Variants in KANSL1L observed in about 807,000 individuals in gnomAD.
The protein encoded by KANSL1L is KAT8 regulatory NSL complex subunit 1-like protein.
Under a neutral mutation model 108.6 loss-of-function variants are expected in KANSL1L, and 25 were observed. That is an observed-to-expected ratio of 0.23 (90% CI 0.17 to 0.32). KANSL1L has a LOEUF of 0.32. Ranked by LOEUF, KANSL1L falls within the 10% of genes least tolerant of loss-of-function variation. The probability of loss-of-function intolerance (pLI) is 1.00; values close to 1 mark genes in which losing one functional copy is unlikely to be tolerated. For synonymous variants in KANSL1L, 405 were observed against 395.1 expected (o/e 1.03, Z -0.30); for missense variants, 1,137 against 1,125.7 (o/e 1.01, Z -0.14).
At chr2:210,089,829 A>C (rs2094675577) in intron 5 of KANSL1L, among the ~76,000 whole-genome samples, 1 of 152,142 alleles carries the variant, frequency 6.6e-6, no homozygotes, top group African/African-American at 2.4e-5. Context: ...GGAGTCCCAA[A>C]GGCAAGTAGA....
chr2:210,153,705 T>G lies in KANSL1L; in HGVS notation c.878A>C (p.Lys293Thr). 1 of 1,604,818 alleles carries G rather than the reference T, an allele frequency of 6.2e-7. No individual in the cohort carries two copies. The highest frequency in any genetic ancestry group is 8.5e-7 in the Non-Finnish European group (1 of 1,176,232). Residue 293 changes from lysine (K) to threonine (T), a missense_variant, in exon 2 of 15, where the codon AAG (lysine) becomes ACG (threonine). This residue lies in a region of KANSL1L where 556 missense variants were observed against 537.7 expected (regional missense o/e 1.03). Transcript: ENST00000281772. ...TGCAGTCAATGTGTTAACTTCTGGC[T>G]TAATTTCAGTGCATTTAGGTAAACT... ...GNSLPKCTEI[K>T]PEVNTLTAEN...
intron 6 of KANSL1L, among the ~76,000 whole-genome samples, chr2:210,058,949 AC>A (rs1260261848): frequency 6.6e-6 from 1 of 150,992 alleles, no homozygotes; most frequent in Non-Finnish European, 1.5e-5. Context: ...TCTCTTTTGT[AC>A]TCTTTCCCTT....
chr2:210,027,226 T>C (rs996822324), intron 12 of KANSL1L, 70 bp downstream of exon 12: 3 of 1,023,826 alleles, frequency 2.9e-6, no homozygotes, highest in Non-Finnish European at 4.6e-6. Context: ...TTTAGTTCCC[T>C]GAATGTCAAA....
chr2:210,084,273 T>G (rs368913993), intron 5 of KANSL1L, among the ~76,000 whole-genome samples: 76 of 151,946 alleles, frequency 5.0e-4, no homozygotes, highest in African/African-American at 1.7e-3. Flanking sequence ...AATACAAAAA[T>G]TTGCCAGGTG....
At chr2:210,089,657 C>T (rs899486667) in intron 5 of KANSL1L, among the ~76,000 whole-genome samples, 40 of 151,514 alleles carry the variant, frequency 2.6e-4, no homozygotes, top group African/African-American at 9.0e-4. Flanking sequence ...ATTATAAAAA[C>T]ACTACAATTG....
At chr2:210,067,742 A>C (rs1346188055) in intron 6 of KANSL1L, among the ~76,000 whole-genome samples, 2 of 138,770 alleles carry the variant, frequency 1.4e-5, no homozygotes, top group African/African-American at 5.2e-5. Flanking sequence ...AAAAAAAAAA[A>C]AATTGATGTA....
intron 2 of KANSL1L, chr2:210,152,024 A>G (rs2095307033): frequency 1.3e-5 from 2 of 152,316 alleles, no homozygotes; most frequent in Middle Eastern, 3.4e-3. Context: ...GGTTTGTTAC[A>G]TAGATAAATC....
chr2:210,162,739 G>A (rs1029705771), intron 1 of KANSL1L, among the ~76,000 whole-genome samples: 1 of 152,022 alleles, frequency 6.6e-6, no homozygotes, highest in African/African-American at 2.4e-5. Context: ...CGAGATAGGA[G>A]GAAATCCAGA....
Position 210,022,680 on chromosome 2 carries a change from A to C in KANSL1L, c.*269T>G. On this transcript the variant is annotated 3_prime_UTR_variant, in exon 15 of 15. Transcript: ENST00000281772. ...AAAAATTACCCAGTAATGTGATTTG[A>C]CATCAAGTTGCAGCAATTAATATCT... 2.5e-6 allele frequency: 1 copy of C among 405,020 alleles called. No individual in the cohort carries two copies. The highest frequency in any genetic ancestry group is 2.7e-5 in the South Asian group (1 of 36,920). 25.1% of individuals were successfully genotyped at this position (405,020 alleles called of 1,614,324 possible).
At chr2:210,065,561 T>TTG (rs1365121030) in intron 6 of KANSL1L, among the ~76,000 whole-genome samples, 2 of 147,974 alleles carry the variant, frequency 1.4e-5, no homozygotes, top group Admixed American at 1.4e-4. Flanking sequence ...TACCTCTCAA[T>TTG]TGAGGTGCCT....
At chr2:210,133,291 C>T (rs564073352) in intron 2 of KANSL1L, among the ~76,000 whole-genome samples, 1 of 152,010 alleles carries the variant, frequency 6.6e-6, no homozygotes, top group African/African-American at 2.4e-5. Context: ...ATACATAATA[C>T]AAAGTTATTA....
At chr2:210,162,222 G>GTTTATATATATATATATATA (rs2095365187) in intron 1 of KANSL1L, among the ~76,000 whole-genome samples, 1 of 107,474 alleles carries the variant, frequency 9.3e-6, no homozygotes, top group Non-Finnish European at 1.9e-5. Context: ...AGTGGTTCAG[G>GTTTATATATATATATATATA]TATATATATA....
At chr2:210,083,821 C>T (rs2094611121) in intron 5 of KANSL1L, among the ~76,000 whole-genome samples, 1 of 126,400 alleles carries the variant, frequency 7.9e-6, no homozygotes, top group African/African-American at 3.2e-5. Context: ...CAGAGTGAGA[C>T]TCCATCTCAA....
chr2:210,035,609 G>T (rs1048188020), intron 8 of KANSL1L, among the ~76,000 whole-genome samples: 2 of 152,150 alleles, frequency 1.3e-5, no homozygotes, highest in Non-Finnish European at 2.9e-5. Flanking sequence ...CTCCCGAGTA[G>T]CTGGGACCAC....
chr2:210,059,790 A>T (rs1323490852), intron 6 of KANSL1L, among the ~76,000 whole-genome samples: 7 of 150,712 alleles, frequency 4.6e-5, no homozygotes, highest in Non-Finnish European at 1.0e-4. Context: ...TTTTTTTGAG[A>T]TAGTGCAATG....
intron 4 of KANSL1L, among the ~76,000 whole-genome samples, chr2:210,102,324 A>T (rs2094801716): frequency 6.6e-6 from 1 of 152,216 alleles, no homozygotes; most frequent in South Asian, 2.1e-4. Context: ...TTCAAGATGG[A>T]TTAAAGACTT....
chr2:210,157,199 C>T (rs542065963), intron 1 of KANSL1L, among the ~76,000 whole-genome samples: 2 of 152,088 alleles, frequency 1.3e-5, no homozygotes, highest in Non-Finnish European at 1.5e-5. Flanking sequence ...GCTTTAATCA[C>T]GCTTCTTGTT....
intron 6 of KANSL1L, among the ~76,000 whole-genome samples, chr2:210,053,723 T>C (rs753910663): frequency 4.0e-5 from 6 of 151,338 alleles, no homozygotes; most frequent in Non-Finnish European, 5.9e-5. Context: ...AAAAAACAAA[T>C]AACTTCTGCA....
chr2:210,039,813 ACT>A (rs2094144922), intron 8 of KANSL1L, among the ~76,000 whole-genome samples: 1 of 151,542 alleles, frequency 6.6e-6, no homozygotes, highest in Non-Finnish European at 1.5e-5. Context: ...ACTGGGAAAG[ACT>A]CTCTCCATGA....
Sources: allele counts gnomAD v4.1 joint callset (sites outside exome capture counted in the v4.1 genomes callset), GRCh38; gene constraint gnomAD v4.1.1; regional missense constraint gnomAD v4.1.1; transcripts MANE v1.5; gene names NCBI Gene and HGNC (gene_info 2026-07-23, HGNC 2026-07-21).